The following PCDHGA5 variants were observed in gnomAD, a reference collection of about 807,000 sequenced individuals.
PCDHGA5 encodes protocadherin gamma-A5.
PCDHGA5 carries 36 observed loss-of-function variants against 56.7 expected under a neutral mutation model. The ratio of observed to expected loss-of-function variants is 0.64; its 90% CI spans 0.49 to 0.84. The LOEUF (loss-of-function observed/expected upper bound fraction) is 0.84. PCDHGA5 is among the 40% of genes least tolerant of loss of function. The pLI is 0.00. For missense variants in PCDHGA5, 1,305 were observed against 1,201.5 expected, an observed-to-expected ratio of 1.09 and a Z score of -1.27; for synonymous variants, 563 against 520.2, an observed-to-expected ratio of 1.08 and a Z score of -1.12.
At chr5:141,470,165 G>C (rs559578238) in intron 1 of PCDHGA5, among the ~76,000 whole-genome samples, 1 of 152,276 alleles carries the variant, frequency 6.6e-6, no homozygotes, top group Non-Finnish European at 1.5e-5. Context: ...TCAAATCAAA[G>C]TATGCAAAAT....
chr5:141,393,981 T>G, intron 1 of PCDHGA5: 3 of 1,613,792 alleles, frequency 1.9e-6, no homozygotes, highest in Non-Finnish European at 2.5e-6. Flanking sequence ...ACGTGATAAT[T>G]TACCTTTTAA....
Position 141,366,687 on chromosome 5 carries a change from A to C in PCDHGA5, c.2357A>C (p.Glu786Ala). Residue 786 changes from glutamate to alanine, a missense_variant, in exon 1 of 4, where the codon GAG becomes GCG. Coordinates refer to ENST00000518069, the MANE Select transcript of PCDHGA5 (RefSeq NM_018918.3). ...ADTLLSEESCEKSEPLLMSDK... is the reference protein window; with the variant it reads ...ADTLLSEESCAKSEPLLMSDK... ...ACGCTCCTTAGTGAAGAGAGCTGTG[A>C]GAAAAGCGAGCCTCTTCTGATGTCT... The C allele has an allele frequency of 6.2e-7, 1 of 1,614,248 alleles. No individual in the cohort carries two copies. Among genetic ancestry groups the C allele is most frequent in the Non-Finnish European group, 8.5e-7 (1 of 1,180,030 alleles).
At chr5:141,422,198 A>G (rs2096632774) in intron 1 of PCDHGA5, 1 of 1,562,340 alleles carries the variant, frequency 6.4e-7, no homozygotes, top group Non-Finnish European at 8.6e-7. Flanking sequence ...CAAGGCCAAG[A>G]TGGTGGAGGT....
intron 1 of PCDHGA5, chr5:141,374,110 G>T (rs1402267775): frequency 7.0e-6 from 11 of 1,576,896 alleles, no homozygotes; most frequent in Non-Finnish European, 9.5e-6. Context: ...GGCATCCGCA[G>T]CGCAGCGAGC....
At chr5:141,410,492 T>C in intron 1 of PCDHGA5, 2 of 1,613,912 alleles carry the variant, frequency 1.2e-6, no homozygotes, top group Non-Finnish European at 1.7e-6. Flanking sequence ...TACAAAAGAG[T>C]TTAATTTCCT....
In PCDHGA5 at chr5:141,485,037, C is replaced by T. The variant is rs2099605532; in HGVS notation, c.2422-9770C>T. 1.0e-5 allele frequency: 7 copies of T among 702,746 alleles called. No individual in the cohort carries two copies. Among genetic ancestry groups the T allele is most frequent in the Non-Finnish European group, 1.5e-5 (6 of 402,836 alleles). 43.5% of individuals were successfully genotyped at this position (702,746 alleles called of 1,614,324 possible). A position where few individuals can be genotyped will look rare whatever the true frequency, so the allele number is the denominator to read the frequency against. ...GCCACCAGCAAAAACGGCGCGTAAC[C>T]CTTGCGGCGCCGGCCGAACCGCGCC... is the stretch of plus-strand genomic sequence containing the variant. On this transcript the variant is annotated intron_variant, in intron 1 of 3. Transcript: ENST00000518069. The surrounding 1 kb of genome is among the most constrained non-coding windows in gnomAD (Gnocchi z 5.7).
intron 1 of PCDHGA5, chr5:141,375,000 A>AC (rs1771024393): frequency 6.2e-7 from 1 of 1,613,928 alleles, no homozygotes; most frequent in Non-Finnish European, 8.5e-7. Context: ...ACTTCTGCAA[A>AC]TCTAGACTAT....
intron 1 of PCDHGA5, chr5:141,418,387 G>T: frequency 1.9e-6 from 3 of 1,614,002 alleles, no homozygotes; most frequent in Non-Finnish European, 2.5e-6. Flanking sequence ...GTCCTAACGA[G>T]TATTTCTCAT....
intron 1 of PCDHGA5, chr5:141,409,138 A>G (rs2095229593): frequency 1.2e-6 from 2 of 1,614,046 alleles, no homozygotes; most frequent in Non-Finnish European, 1.7e-6. Flanking sequence ...TTGAAGATGT[A>G]GAAAGGTACA....
chr5:141,384,221 A>G, intron 1 of PCDHGA5: 1 of 1,613,936 alleles, frequency 6.2e-7, no homozygotes, highest in Non-Finnish European at 8.5e-7. Flanking sequence ...ATATTCATGC[A>G]GGTGGCAGAC....
intron 1 of PCDHGA5, chr5:141,371,931 G>T: frequency 6.2e-7 from 1 of 1,613,372 alleles, no homozygotes; most frequent in Non-Finnish European, 8.5e-7. Flanking sequence ...GCGGAGCGGG[G>T]TGGTGTTCGC....
intron 1 of PCDHGA5, chr5:141,370,166 G>T: frequency 2.2e-6 from 1 of 458,978 alleles, no homozygotes; most frequent in East Asian, 3.2e-5. Flanking sequence ...CTGCAGCAGA[G>T]GCGCCGGGTG....
At position 141,389,081 on chromosome 5, in the gene PCDHGA5, G is replaced by A. The variant is rs371979686; in HGVS notation, c.2421+22330G>A. On this transcript the variant is annotated intron_variant, in intron 1 of 3. Transcript: ENST00000518069. Reference sequence around the variant, plus strand: ...AAATATTAACTTCTTCAAGAAACACGTATAAATTAGTGACAGATGCTGTTC... The same window carrying A: ...AAATATTAACTTCTTCAAGAAACACATATAAATTAGTGACAGATGCTGTTC... 1.5e-5 allele frequency: 24 copies of A among 1,613,978 alleles called. No homozygotes were observed. In the South Asian group the frequency reaches 2.0e-4, roughly 13 times the overall value.
Position 141,366,222 on chromosome 5 carries a change from C to A in PCDHGA5, c.1892C>A (p.Ala631Asp). 6 of 1,613,804 alleles carry A rather than the reference C, an allele frequency of 3.7e-6. No individual in the cohort carries two copies. Among genetic ancestry groups the A allele is most frequent in the Non-Finnish European group, 5.1e-6 (6 of 1,180,048 alleles). The change falls in exon 1 of 4, where the codon GCC becomes GAC. Residue 631 changes from alanine (A) to aspartate (D), a missense_variant. Coordinates refer to ENST00000518069, the MANE Select transcript of PCDHGA5 (RefSeq NM_018918.3). ...LHTGEVRTARALLDRDALKQS... is the reference protein window; with the variant it reads ...LHTGEVRTARDLLDRDALKQS... Reference sequence around the variant, plus strand: ...ACGGGCGAGGTGCGCACAGCGCGAGCCCTGCTGGACAGAGACGCGCTCAAG... The same window carrying A: ...ACGGGCGAGGTGCGCACAGCGCGAGACCTGCTGGACAGAGACGCGCTCAAG...
intron 1 of PCDHGA5, chr5:141,371,188 T>A (rs1206989931): frequency 6.2e-7 from 1 of 1,614,030 alleles, no homozygotes; most frequent in South Asian, 1.1e-5. Flanking sequence ...TTAAAAGTGA[T>A]GGCCATTGAC....
Position 141,365,822 on chromosome 5 carries a change from G to T in PCDHGA5, c.1492G>T (p.Gly498Trp). The T allele has an allele frequency of 6.2e-7, 1 of 1,613,908 alleles. No individual in the cohort carries two copies. Among genetic ancestry groups the T allele is most frequent in the Non-Finnish European group, 8.5e-7 (1 of 1,179,900 alleles). ...CTCCCTGGCTGAAGACACATTTCAGGGGGCGCCCTTGTCCTCCTATGTATC... is the reference window on the plus strand; with the variant it reads ...CTCCCTGGCTGAAGACACATTTCAGTGGGCGCCCTTGTCCTCCTATGTATC... Reference protein sequence around the residue: ...TYSLAEDTFQGAPLSSYVSIN... With the variant: ...TYSLAEDTFQWAPLSSYVSIN... The change falls in exon 1 of 4, where the codon GGG becomes TGG. Residue 498 changes from glycine (G) to tryptophan (W), a missense_variant. By Grantham distance (184) the Gly-to-Trp change is radical. Transcript: ENST00000518069.
intron 1 of PCDHGA5, chr5:141,376,569 G>T: frequency 6.2e-7 from 1 of 1,603,942 alleles, no homozygotes; most frequent in South Asian, 1.1e-5. Flanking sequence ...CAACTAATCA[G>T]ACAGGCTCAT....
intron 1 of PCDHGA5, chr5:141,372,285 A>C (rs1588702702): frequency 6.2e-7 from 1 of 1,613,032 alleles, no homozygotes; most frequent in Non-Finnish European, 8.5e-7. Flanking sequence ...CACGGCGCGT[A>C]CCTTGGGCGA....
intron 1 of PCDHGA5, chr5:141,414,797 G>A: frequency 6.2e-7 from 1 of 1,614,230 alleles, no homozygotes. Context: ...GCCAGCGACA[G>A]CGGGGATCCT....
Sources: allele counts gnomAD v4.1 joint callset (sites outside exome capture counted in the v4.1 genomes callset), GRCh38; gene constraint gnomAD v4.1.1; non-coding constraint Gnocchi (gnomAD v3.1); transcripts MANE v1.5; gene names NCBI Gene and HGNC (gene_info 2026-07-23, HGNC 2026-07-21).